The following CNTN5 variants were observed in gnomAD, a reference collection of about 807,000 sequenced individuals.
CNTN5 encodes contactin 5.
CNTN5 carries 77 observed loss-of-function variants against 129.1 expected under a neutral mutation model. The observed-to-expected ratio is 0.60, with a 90% CI of 0.50 to 0.72. CNTN5 has a LOEUF of 0.72. CNTN5 is among the 30% of genes least tolerant of loss of function. The pLI is 0.00. For missense variants in CNTN5, 1,478 were observed against 1,328.8 expected, an observed-to-expected ratio of 1.11 and a Z score of -1.75; for synonymous variants, 509 against 465.6, an observed-to-expected ratio of 1.09 and a Z score of -1.20.
chr11:99,547,975 T>A (rs940126547), intron 2 of CNTN5, among the ~76,000 whole-genome samples: 1 of 152,210 alleles, frequency 6.6e-6, no homozygotes. Context: ...GGAAATAATA[T>A]ATTTACCTAT....
chr11:99,222,424 A>T (rs1433318137), intron 1 of CNTN5, among the ~76,000 whole-genome samples: 1 of 151,786 alleles, frequency 6.6e-6, no homozygotes, highest in Admixed American at 6.6e-5. Flanking sequence ...GTGTCAAAAA[A>T]CTCACTAAAC....
rs548218745 is a variant in CNTN5 at position 99,757,748 on chromosome 11, G to A, written c.56-61796G>A. Reference sequence around the variant, plus strand: ...ACAGAACAATCTGAGCTTGAATTCCGACTCTGCTACTTAGTAGCTATGTAA... The same window carrying A: ...ACAGAACAATCTGAGCTTGAATTCCAACTCTGCTACTTAGTAGCTATGTAA... On this transcript the variant is annotated intron_variant, in intron 3 of 24. Transcript: ENST00000524871. Among the ~76,000 whole-genome samples the A allele has an allele frequency of 3.9e-5, 6 of 152,070 alleles. No homozygotes were observed. In the East Asian group the frequency reaches 9.7e-4, roughly 25 times the overall value.
intron 6 of CNTN5, among the ~76,000 whole-genome samples, chr11:99,847,377 G>A (rs1317256948): frequency 6.6e-6 from 1 of 152,192 alleles, no homozygotes; most frequent in South Asian, 2.1e-4. Context: ...TTTATCTAAA[G>A]TATCTTACCT....
intron 3 of CNTN5, among the ~76,000 whole-genome samples, chr11:99,727,644 A>G (rs943483856): frequency 6.6e-6 from 1 of 152,052 alleles, no homozygotes; most frequent in African/African-American, 2.4e-5. Context: ...CATTTTTCAA[A>G]CCTCCCACCA....
intron 3 of CNTN5, among the ~76,000 whole-genome samples, chr11:99,653,315 T>C (rs1952229357): frequency 6.6e-6 from 1 of 151,898 alleles, no homozygotes; most frequent in South Asian, 2.1e-4. Flanking sequence ...TATAAGCTTG[T>C]TTATCTCATC....
At chr11:100,186,733 G>T (rs1368866856) in intron 13 of CNTN5, among the ~76,000 whole-genome samples, 1 of 152,142 alleles carries the variant, frequency 6.6e-6, no homozygotes, top group African/African-American at 2.4e-5. Context: ...TCAAGTCAAA[G>T]ACTGTCTGAG....
intron 8 of CNTN5, among the ~76,000 whole-genome samples, chr11:99,966,189 A>G (rs1951089267): frequency 6.6e-6 from 1 of 152,216 alleles, no homozygotes; most frequent in Non-Finnish European, 1.5e-5. Flanking sequence ...GACCTTTCTA[A>G]AAATAATAAG....
intron 4 of CNTN5, among the ~76,000 whole-genome samples, chr11:99,837,042 C>A (rs571048897): frequency 6.6e-6 from 1 of 152,230 alleles, no homozygotes; most frequent in East Asian, 1.9e-4. Context: ...GTTTTATCAG[C>A]AAGGTCTTTA....
In CNTN5 at chr11:99,553,977, C is replaced by CACACACACACACAT. The variant is rs1277159830; in HGVS notation, c.-70-2155_-70-2154insTACACACACACACA. Reference sequence around the variant, plus strand: ...GCTTGAAAATGAATACACACACACACACACACACACACACACACATACACA... The same window carrying CACACACACACACAT: ...GCTTGAAAATGAATACACACACACACACACACACACACATACACACACACACACACACATACACA... On this transcript the variant is annotated intron_variant, in intron 2 of 24. Transcript: ENST00000524871. 4.6e-3 allele frequency among the ~76,000 whole-genome samples: 577 copies of CACACACACACACAT among 124,546 alleles called. 4 individuals are homozygous for CACACACACACACAT. The highest frequency in any genetic ancestry group is 0.016 in the African/African-American group (522 of 31,732). 81.7% of individuals were successfully genotyped at this position (124,546 alleles called of 152,430 possible).
chr11:99,228,876 T>G (rs1289953709), intron 1 of CNTN5, among the ~76,000 whole-genome samples: 1 of 152,078 alleles, frequency 6.6e-6, no homozygotes, highest in East Asian at 1.9e-4. Context: ...CATTTTGTGC[T>G]GTGCATTCGT....
At chr11:100,073,173 A>G (rs1048246059) in intron 12 of CNTN5, among the ~76,000 whole-genome samples, 12 of 151,880 alleles carry the variant, frequency 7.9e-5, no homozygotes, top group Non-Finnish European at 4.4e-5. Context: ...CAGCGTCCCA[A>G]GTAGCTGAGA....
At chr11:99,042,193 C>T (rs915545669) in intron 1 of CNTN5, among the ~76,000 whole-genome samples, 1 of 151,480 alleles carries the variant, frequency 6.6e-6, no homozygotes, top group Non-Finnish European at 1.5e-5. Flanking sequence ...TTTAGGAGAA[C>T]ATTTTATTTA....
chr11:99,835,204 G>A lies in CNTN5; in HGVS notation c.278-9648G>A, dbSNP rs148359613. On this transcript the variant is annotated intron_variant, in intron 4 of 24. Coordinates refer to ENST00000524871, the MANE Select transcript of CNTN5 (RefSeq NM_014361.4). ...TTCAGATGCAGAAACTGATGATGAC[G>A]CATATGTTCAAAAAGGGTATGAAGA... is the stretch of plus-strand genomic sequence containing the variant. Among the ~76,000 whole-genome samples the A allele has an allele frequency of 3.4e-3, 523 of 152,268 alleles. 2 individuals are homozygous for A. Among genetic ancestry groups the A allele is most frequent in the African/African-American group, 0.012 (485 of 41,562 alleles).
intron 3 of CNTN5, among the ~76,000 whole-genome samples, chr11:99,813,364 A>G (rs371164990): frequency 3.3e-5 from 5 of 152,280 alleles, no homozygotes; most frequent in African/African-American, 1.2e-4. Context: ...GGTGATGAAT[A>G]AAAACAGTTT....
chr11:99,759,793 A>G (rs1944520125), intron 3 of CNTN5, among the ~76,000 whole-genome samples: 1 of 152,058 alleles, frequency 6.6e-6, no homozygotes, highest in Non-Finnish European at 1.5e-5. Context: ...GAAAGAAAGC[A>G]TTTAAAAGAA....
At chr11:99,229,722 A>G (rs1341250388) in intron 1 of CNTN5, among the ~76,000 whole-genome samples, 1 of 152,094 alleles carries the variant, frequency 6.6e-6, no homozygotes, top group Non-Finnish European at 1.5e-5. Flanking sequence ...TCATGTTTCT[A>G]AAATAGGAAA....
chr11:99,926,970 A>G (rs1264570359), intron 7 of CNTN5, among the ~76,000 whole-genome samples: 37 of 152,196 alleles, frequency 2.4e-4, no homozygotes, highest in Admixed American at 2.4e-3. Flanking sequence ...AGATATTGGC[A>G]AGATGGAAAT....
chr11:99,540,334 A>T (rs1223484237), intron 2 of CNTN5, among the ~76,000 whole-genome samples: 1 of 152,194 alleles, frequency 6.6e-6, no homozygotes, highest in African/African-American at 2.4e-5. Flanking sequence ...CTTTGCTTAC[A>T]ATTTAAAGAT....
intron 13 of CNTN5, among the ~76,000 whole-genome samples, chr11:100,179,657 C>A (rs1386553717): frequency 1.3e-5 from 2 of 151,980 alleles, no homozygotes; most frequent in East Asian, 1.9e-4. Context: ...AATAATGAAA[C>A]CTGCATTTAC....
Sources: allele counts gnomAD v4.1 joint callset (sites outside exome capture counted in the v4.1 genomes callset), GRCh38; gene constraint gnomAD v4.1.1; transcripts MANE v1.5; gene names NCBI Gene and HGNC (gene_info 2026-07-23, HGNC 2026-07-21).